The following PRMT8 variants were observed in gnomAD, a reference collection of about 807,000 sequenced individuals.
The protein encoded by PRMT8 is protein arginine methyltransferase 8.
A neutral mutation model predicts 47.1 loss-of-function variants in PRMT8; 7 were observed. The observed-to-expected ratio is 0.15, with a 90% CI of 0.08 to 0.28. PRMT8 has a LOEUF of 0.28. Among genes scored for constraint, PRMT8 ranks in the 10% least tolerant of loss-of-function variants. The probability of loss-of-function intolerance (pLI) is 1.00; values close to 1 mark genes in which losing one functional copy is unlikely to be tolerated. For synonymous variants in PRMT8, 188 were observed against 186.5 expected, an observed-to-expected ratio of 1.01 and a Z score of -0.07; for missense variants, 237 against 505.4, an observed-to-expected ratio of 0.47 and a Z score of 5.09.
intron 1 of PRMT8, among the ~76,000 whole-genome samples, chr12:3,520,236 G>A (rs1255337152): frequency 3.3e-5 from 5 of 152,332 alleles, no homozygotes; most frequent in East Asian, 3.9e-4. Flanking sequence ...TCGGCCTGTC[G>A]GGAAAACCAA....
chr12:3,469,839 C>T (rs1350241144), intron 1 of PRMT8, among the ~76,000 whole-genome samples: 1 of 152,168 alleles, frequency 6.6e-6, no homozygotes, highest in Admixed American at 6.5e-5. Flanking sequence ...GCAGAGCCGC[C>T]TAGAGCAGCA....
At chr12:3,485,985 G>A (rs899100499) in intron 1 of PRMT8, among the ~76,000 whole-genome samples, 1 of 152,188 alleles carries the variant, frequency 6.6e-6, no homozygotes, top group Non-Finnish European at 1.5e-5. Context: ...TGCGTTTTCA[G>A]GTCGGGTTGC....
Position 3,569,098 on chromosome 12 carries a change from C to T in PRMT8, c.624+250C>T, listed in dbSNP as rs550909643. On this transcript the variant is annotated intron_variant, in intron 5 of 9. Transcript: ENST00000382622. This position sits in a 1 kb window ranked among gnomAD's most constrained non-coding sequence, Gnocchi z 8.2. ...AGCCTCTTTTGCAATAACAGACATC[C>T]GTTCTCTCTTGTCGAGTTAAAGGTC... is the stretch of plus-strand genomic sequence containing the variant. Among the ~76,000 whole-genome samples the T allele has an allele frequency of 1.1e-4, 16 of 152,266 alleles. No individual in the cohort carries two copies. The highest frequency in any genetic ancestry group is 4.1e-4 in the South Asian group (2 of 4,820).
intron 1 of PRMT8, among the ~76,000 whole-genome samples, chr12:3,404,928 G>A (rs1234375201): frequency 6.6e-6 from 1 of 152,122 alleles, no homozygotes; most frequent in Non-Finnish European, 1.5e-5. Context: ...TTGCCTGAAA[G>A]TCTATTTTTT....
Position 3,493,721 on chromosome 12 carries a change from C to G in PRMT8, c.75+2021C>G, listed in dbSNP as rs1865461775. 6.6e-6 allele frequency among the ~76,000 whole-genome samples: 1 copy of G among 152,252 alleles called. No homozygotes were observed. The highest frequency in any genetic ancestry group is 1.5e-5 in the Non-Finnish European group (1 of 68,052). ...CCGCGCTCCCCCTTCTCAGCAGTTG[C>G]ACATGCCAGCTCTGCTGAAGGCATC... On this transcript the variant is annotated intron_variant, in intron 1 of 9. Transcript: ENST00000382622. The surrounding 1 kb of genome is among the most constrained non-coding windows in gnomAD (Gnocchi z 8.2).
At chr12:3,470,341 A>G (rs1035715425) in intron 1 of PRMT8, among the ~76,000 whole-genome samples, 3 of 152,114 alleles carry the variant, frequency 2.0e-5, no homozygotes, top group East Asian at 3.9e-4. Flanking sequence ...TTGTTTTTCC[A>G]TAGGACTCAA....
upstream of PRMT8, among the ~76,000 whole-genome samples, chr12:3,486,323 AC>A (rs201416879): frequency 7.7e-3 from 1,175 of 152,068 alleles, 14 homozygotes; most frequent in African/African-American, 0.026. Context: ...AATGCATAAG[AC>A]CCCCGATGGT....
At chr12:3,487,273 C>A (rs116349731), upstream of PRMT8, among the ~76,000 whole-genome samples, 1,178 of 152,312 alleles carry the variant, frequency 7.7e-3, 14 homozygotes, top group African/African-American at 0.026. Flanking sequence ...GAGGAGAAAA[C>A]CACATAATAT....
At chr12:3,381,547 C>A in intron 1 of PRMT8, 3 of 1,077,102 alleles carry the variant, frequency 2.8e-6, no homozygotes, top group South Asian at 2.7e-5. Context: ...TCCTCTTTGT[C>A]ATCTGCAGAG....
At chr12:3,425,113 C>G (rs1864588885) in intron 1 of PRMT8, among the ~76,000 whole-genome samples, 1 of 152,196 alleles carries the variant, frequency 6.6e-6, no homozygotes. Context: ...CAACTGGGCT[C>G]TCTGATACCG....
intron 1 of PRMT8, among the ~76,000 whole-genome samples, chr12:3,470,632 C>T (rs1467238851): frequency 6.6e-5 from 10 of 151,648 alleles, no homozygotes; most frequent in African/African-American, 2.4e-4. Context: ...AACAGGGTCT[C>T]CAGAATACGC....
chr12:3,426,960 C>T (rs1864612367), intron 1 of PRMT8, among the ~76,000 whole-genome samples: 1 of 151,824 alleles, frequency 6.6e-6, no homozygotes, highest in African/African-American at 2.4e-5. Flanking sequence ...TGCTGGATTA[C>T]CAGAAATTCT....
intron 1 of PRMT8, among the ~76,000 whole-genome samples, chr12:3,415,309 C>T (rs574991493): frequency 3.3e-5 from 5 of 152,246 alleles, no homozygotes; most frequent in South Asian, 2.1e-4. Flanking sequence ...GGAAGCCCCC[C>T]GAACCCAGTC....
chr12:3,556,163 C>T (rs536500789), intron 4 of PRMT8, among the ~76,000 whole-genome samples: 7 of 152,142 alleles, frequency 4.6e-5, no homozygotes, highest in South Asian at 2.1e-4. Flanking sequence ...TGGATACGTG[C>T]GTCCAGAATT....
chr12:3,387,034 C>T (rs2137043586), intron 1 of PRMT8, among the ~76,000 whole-genome samples: 1 of 152,196 alleles, frequency 6.6e-6, no homozygotes, highest in South Asian at 2.1e-4. Context: ...TGTTTGTTTC[C>T]TCCAATAGGC....
At chr12:3,448,778 C>A (rs993179998) in intron 1 of PRMT8, among the ~76,000 whole-genome samples, 18 of 152,206 alleles carry the variant, frequency 1.2e-4, no homozygotes, top group African/African-American at 4.1e-4. Flanking sequence ...GTAGGACATG[C>A]AGGTTTGTTA....
At chr12:3,536,633 G>A (rs1392286720) in intron 1 of PRMT8, among the ~76,000 whole-genome samples, 1 of 152,170 alleles carries the variant, frequency 6.6e-6, no homozygotes, top group African/African-American at 2.4e-5. Flanking sequence ...CTAGAGGTGA[G>A]GTGATCTGCA....
chr12:3,584,488 G>A (rs554081837), intron 8 of PRMT8, among the ~76,000 whole-genome samples: 2 of 152,130 alleles, frequency 1.3e-5, no homozygotes, highest in African/African-American at 2.4e-5. Context: ...GTCAAGGTTC[G>A]ATGTCCTCAG....
chr12:3,567,840 G>A (rs951583703), intron 4 of PRMT8, among the ~76,000 whole-genome samples: 4 of 152,100 alleles, frequency 2.6e-5, no homozygotes, highest in Admixed American at 1.3e-4. Flanking sequence ...TTGGGAGGCC[G>A]AGGCGGGTAG....
Sources: gnomAD v4.1 joint callset for allele counts (sites outside exome capture counted in the v4.1 genomes callset) on GRCh38, gnomAD v4.1.1 for gene constraint, Gnocchi (gnomAD v3.1) non-coding constraint, MANE v1.5 for transcripts, NCBI Gene and HGNC (gene_info 2026-07-23, HGNC 2026-07-21) for gene names.